Variants in PGAP1 observed in about 807,000 individuals in gnomAD.
The protein encoded by PGAP1 is post-GPI attachment to proteins inositol deacylase 1.
In PGAP1, 76 loss-of-function variants were observed where a neutral mutation model predicts 127.0. The ratio of observed to expected loss-of-function variants is 0.60; its 90% CI spans 0.50 to 0.72. PGAP1 has a LOEUF of 0.72. Among genes scored for constraint, PGAP1 ranks in the 30% least tolerant of loss-of-function variants. The pLI is 0.00. For missense variants in PGAP1, 982 were observed against 1,071.3 expected, an observed-to-expected ratio of 0.92 and a Z score of 1.16; for synonymous variants, 362 against 366.5, an observed-to-expected ratio of 0.99 and a Z score of 0.14.
chr2:196,887,210 C>T (rs539328701), intron 10 of PGAP1, among the ~76,000 whole-genome samples: 5 of 151,866 alleles, frequency 3.3e-5, no homozygotes, highest in African/African-American at 4.8e-5. Flanking sequence ...CGGTGAAACC[C>T]CGTCTCTGCT....
intron 7 of PGAP1, among the ~76,000 whole-genome samples, chr2:196,896,828 TAAAAA>T (rs566717804): frequency 1.5e-4 from 14 of 90,620 alleles, no homozygotes; most frequent in African/African-American, 5.5e-4. Context: ...GACTCCATCT[TAAAAA>T]AAAAAAAAAA....
At chr2:196,849,770 T>C (rs1700664880) in intron 20 of PGAP1, among the ~76,000 whole-genome samples, 2 of 152,276 alleles carry the variant, frequency 1.3e-5, no homozygotes, top group Non-Finnish European at 2.9e-5. Context: ...TGCTTTAATA[T>C]ATTCAGGCCA....
In PGAP1 at chr2:196,838,814, G is replaced by A. The variant is rs1449518537; in HGVS notation, c.*2420C>T. On this transcript the variant is annotated 3_prime_UTR_variant, in exon 27 of 27. Transcript: ENST00000354764. ...AATCCCAGCACTTTGGGGAGGCAGA[G>A]GCGGGCAAATCACGAGGTCAAGAGT... 2 of 152,288 alleles carry A rather than the reference G, an allele frequency of 1.3e-5. No individual in the cohort carries two copies. Among genetic ancestry groups the A allele is most frequent in the African/African-American group, 4.8e-5 (2 of 41,438 alleles). The allele number at this position is 152,288 out of a possible 1,614,324, so 9.4% of individuals were successfully genotyped here.
intron 1 of PGAP1, chr2:196,922,672 CT>C (rs763237138): frequency 0.025 from 2,895 of 115,256 alleles, 52 homozygotes; most frequent in African/African-American, 0.087. Flanking sequence ...TTCTTACCTA[CT>C]TTTTTTTTTT....
intron 12 of PGAP1, among the ~76,000 whole-genome samples, chr2:196,881,888 T>C (rs1452163206): frequency 2.0e-5 from 3 of 151,926 alleles, no homozygotes; most frequent in African/African-American, 7.2e-5. Flanking sequence ...CATTTGTCAA[T>C]TTTTGCTTTT....
In PGAP1 at chr2:196,880,052, TAA is replaced by T. The variant is rs1559350233; in HGVS notation, c.1350+22_1350+23del. 6 of 1,540,624 alleles carry T rather than the reference TAA, an allele frequency of 3.9e-6. No homozygotes were observed. The East Asian group carries it at 1.4e-4, about 35-fold the overall frequency. ...AGCATGTGTCTCCAAAACATTCTAA[TAA>T]CAATCTTAACCCACTTGTTACCTTA... On this transcript the variant is annotated intron_variant, in intron 13 of 26. Coordinates refer to ENST00000354764, the MANE Select transcript of PGAP1 (RefSeq NM_024989.4).
chr2:196,880,574 C>T (rs1002811202), intron 12 of PGAP1, among the ~76,000 whole-genome samples: 1 of 152,100 alleles, frequency 6.6e-6, no homozygotes, highest in Non-Finnish European at 1.5e-5. Flanking sequence ...TGAATAAATG[C>T]TAAATATAAT....
At chr2:196,905,459 G>A (rs956768119) in intron 4 of PGAP1, among the ~76,000 whole-genome samples, 3 of 152,148 alleles carry the variant, frequency 2.0e-5, no homozygotes. Flanking sequence ...AATTACTGTT[G>A]CACCAGATAC....
chr2:196,878,684 T>C (rs1231043426), intron 13 of PGAP1, among the ~76,000 whole-genome samples: 1 of 152,228 alleles, frequency 6.6e-6, no homozygotes, highest in Non-Finnish European at 1.5e-5. Flanking sequence ...CTGAATTCCA[T>C]AAAGTCCTGA....
intron 23 of PGAP1, among the ~76,000 whole-genome samples, chr2:196,845,627 A>C (rs1475971468): frequency 3.9e-5 from 6 of 152,008 alleles, no homozygotes; most frequent in Non-Finnish European, 8.8e-5. Flanking sequence ...AAGACTAAGA[A>C]GCAAGCAGAA....
At chr2:196,880,005 T>A in intron 13 of PGAP1, 71 bp downstream of exon 13, 1 of 1,117,646 alleles carries the variant, frequency 8.9e-7, no homozygotes, top group Non-Finnish European at 1.3e-6. Context: ...GAAAAACTCA[T>A]TGAAAAAGAA....
chr2:196,854,967 T>C (rs916408781), intron 20 of PGAP1, among the ~76,000 whole-genome samples: 2 of 151,934 alleles, frequency 1.3e-5, no homozygotes, highest in Non-Finnish European at 2.9e-5. Context: ...AAACTTTTTT[T>C]TTTTTTTGTA....
intron 2 of PGAP1, 74 bp downstream of exon 2, chr2:196,919,923 A>G: frequency 1.4e-6 from 2 of 1,452,856 alleles, no homozygotes; most frequent in Non-Finnish European, 1.9e-6. Flanking sequence ...TATTTGATTC[A>G]CCGAGTATGG....
chr2:196,854,016 A>T (rs191256265), intron 20 of PGAP1, among the ~76,000 whole-genome samples: 1 of 150,654 alleles, frequency 6.6e-6, no homozygotes, highest in Admixed American at 6.6e-5. Context: ...TCAGACTCCC[A>T]AGTGGCTGGG....
intron 1 of PGAP1, chr2:196,922,401 C>A: frequency 4.1e-6 from 4 of 983,762 alleles, no homozygotes; most frequent in Non-Finnish European, 3.6e-6. Flanking sequence ...TAAGTTCTCA[C>A]AAAGAGGTCT....
At chr2:196,920,417 T>C (rs1330554673) in intron 1 of PGAP1, among the ~76,000 whole-genome samples, 2 of 152,076 alleles carry the variant, frequency 1.3e-5, no homozygotes, top group Non-Finnish European at 2.9e-5. Flanking sequence ...TACAAATTAC[T>C]CAAAATAGCC....
chr2:196,926,651 C>T lies in PGAP1; in HGVS notation c.-35G>A. On this transcript the variant is annotated 5_prime_UTR_variant, in exon 1 of 27. Coordinates refer to ENST00000354764, the MANE Select transcript of PGAP1 (RefSeq NM_024989.4). Reference sequence around the variant, plus strand: ...ACCACCGCCGCCGCCGCCGCCGCCCCCTCTACCTCCTTCTCCGCCGCGGGG... The same window carrying T: ...ACCACCGCCGCCGCCGCCGCCGCCCTCTCTACCTCCTTCTCCGCCGCGGGG... 1 of 1,612,872 alleles carries T rather than the reference C, an allele frequency of 6.2e-7. No individual in the cohort carries two copies. Among genetic ancestry groups the T allele is most frequent in the Non-Finnish European group, 8.5e-7 (1 of 1,179,488 alleles).
chr2:196,902,061 C>A (rs1332359797), intron 5 of PGAP1, among the ~76,000 whole-genome samples: 1 of 152,164 alleles, frequency 6.6e-6, no homozygotes, highest in Non-Finnish European at 1.5e-5. Flanking sequence ...GTTCTGTCAT[C>A]CAGGCTGAGG....
rs771218129 is a variant in PGAP1 at position 196,920,135 on chromosome 2, T to C, written c.163A>G (p.Lys55Glu). The C allele has an allele frequency of 1.4e-5, 23 of 1,604,204 alleles. No individual in the cohort carries two copies. Among genetic ancestry groups the C allele is most frequent in the Non-Finnish European group, 1.9e-5 (22 of 1,176,468 alleles). ...GCGGGATAGCGTTTTGCCAGTTTCTTTGGAAGTTCTATTTTCTACATTTAA... is the reference window on the plus strand; with the variant it reads ...GCGGGATAGCGTTTTGCCAGTTTCTCTGGAAGTTCTATTTTCTACATTTAA... ...YPEYQKIELP[K>E]KLAKRYPAYE... The change falls in exon 2 of 27, where the codon AAG becomes GAG. Residue 55 changes from lysine to glutamate, a missense_variant. Lys to Glu is a moderately conservative substitution (Grantham distance 56, BLOSUM62 1). Transcript: ENST00000354764.
Sources: gnomAD v4.1 joint callset for allele counts (sites outside exome capture counted in the v4.1 genomes callset) on GRCh38, gnomAD v4.1.1 for gene constraint, MANE v1.5 for transcripts, NCBI Gene and HGNC (gene_info 2026-07-23, HGNC 2026-07-21) for gene names.